DENND1A: variants seen among roughly 807,000 people sequenced by gnomAD.
The protein encoded by DENND1A is DENN domain-containing protein 1A.
DENND1A carries 51 observed loss-of-function variants against 113.7 expected under a neutral mutation model. The observed-to-expected ratio is 0.45, with a 90% CI of 0.36 to 0.57. DENND1A has a LOEUF of 0.57. DENND1A is among the 20% of genes least tolerant of loss of function. The pLI is 0.00. For missense variants in DENND1A, 1,258 were observed against 1,395.9 expected, an observed-to-expected ratio of 0.90 and a Z score of 1.57; for synonymous variants, 565 against 570.8, an observed-to-expected ratio of 0.99 and a Z score of 0.14.
rs573192143 is a variant in DENND1A, at chr9:123,508,314, T to A, written c.993+49256A>T. 3.9e-5 allele frequency among the ~76,000 whole-genome samples: 6 copies of A among 152,374 alleles called. No homozygotes were observed. In the South Asian group the frequency reaches 1.2e-3, roughly 32 times the overall value. On this transcript the variant is annotated intron_variant, in intron 13 of 23. Coordinates refer to ENST00000394215, the MANE Select transcript of DENND1A (RefSeq NM_001352964.2). ...TCCACTGTGTCTTTGCCATTTGCAT[T>A]CATACATGCTTACAGAAAATACAGC...
chr9:123,930,047 G>T lies in DENND1A; in HGVS notation c.-142C>A. The T allele has an allele frequency of 4.7e-6, 1 of 212,810 alleles. No homozygotes were observed. Among genetic ancestry groups the T allele is most frequent in the Non-Finnish European group, 9.2e-6 (1 of 109,132 alleles). 13.2% of individuals were successfully genotyped at this position (212,810 alleles called of 1,614,324 possible). A position where few individuals can be genotyped will look rare whatever the true frequency, so the allele number is the denominator to read the frequency against. Reference sequence around the variant, plus strand: ...GCTGGGGCCCGCCCGCTCGAGGCTCGCTCCCTCGCCGCCGCCGCCGCCTCC... The same window carrying T: ...GCTGGGGCCCGCCCGCTCGAGGCTCTCTCCCTCGCCGCCGCCGCCGCCTCC... On this transcript the variant is annotated 5_prime_UTR_variant, in exon 1 of 24. Transcript: ENST00000394215.
intron 2 of DENND1A, among the ~76,000 whole-genome samples, chr9:123,842,815 A>T (rs182013002): frequency 6.6e-6 from 1 of 152,290 alleles, no homozygotes; most frequent in Non-Finnish European, 1.5e-5. Flanking sequence ...AAATATAAGA[A>T]AACTAAAAAT....
At chr9:123,490,037 A>G (rs1209756395) in intron 13 of DENND1A, among the ~76,000 whole-genome samples, 1 of 152,232 alleles carries the variant, frequency 6.6e-6, no homozygotes, top group Non-Finnish European at 1.5e-5. Context: ...TAACAAGTTG[A>G]GGTGTATTTG....
chr9:123,905,335 G>A (rs534588425), intron 1 of DENND1A, among the ~76,000 whole-genome samples: 2,783 of 149,752 alleles, frequency 0.019, 94 homozygotes, highest in African/African-American at 0.067. Flanking sequence ...CATAATGACA[G>A]GATCAAATTC....
intron 2 of DENND1A, among the ~76,000 whole-genome samples, chr9:123,824,440 T>A (rs1257441435): frequency 1.3e-5 from 2 of 152,196 alleles, no homozygotes; most frequent in African/African-American, 4.8e-5. Context: ...CTGAATGCGA[T>A]GTGAAGAAAT....
At chr9:123,412,664 C>T (rs563157031) in intron 19 of DENND1A, among the ~76,000 whole-genome samples, 23 of 152,312 alleles carry the variant, frequency 1.5e-4, no homozygotes, top group Non-Finnish European at 3.2e-4. Context: ...TTATCTTGAA[C>T]GCCCAGCAGT....
chr9:123,526,548 G>T (rs2054864358), intron 13 of DENND1A, among the ~76,000 whole-genome samples: 2 of 152,154 alleles, frequency 1.3e-5, no homozygotes, highest in African/African-American at 4.8e-5. Flanking sequence ...TGCCCCGAGG[G>T]CTTGTCTGGA....
At chr9:123,627,090 G>T (rs987796980) in intron 10 of DENND1A, among the ~76,000 whole-genome samples, 7 of 152,324 alleles carry the variant, frequency 4.6e-5, no homozygotes, top group Admixed American at 4.6e-4. Context: ...ATGGTGGGGA[G>T]AGTGAGGGCT....
chr9:123,615,149 A>G (rs2137947705), intron 10 of DENND1A, among the ~76,000 whole-genome samples: 1 of 152,354 alleles, frequency 6.6e-6, no homozygotes, highest in African/African-American at 2.4e-5. Context: ...AGCCAGTAAG[A>G]GCAGCCACCA....
intron 20 of DENND1A, among the ~76,000 whole-genome samples, chr9:123,408,761 T>C (rs976151980): frequency 6.6e-6 from 1 of 152,160 alleles, no homozygotes; most frequent in African/African-American, 2.4e-5. Context: ...TCCCGAGTCC[T>C]CAGTTGCCAA....
chr9:123,698,693 C>T (rs2065680920), intron 5 of DENND1A, among the ~76,000 whole-genome samples: 1 of 152,230 alleles, frequency 6.6e-6, no homozygotes, highest in South Asian at 2.1e-4. Flanking sequence ...AGAAGATATG[C>T]ATTCCTATAG....
chr9:123,566,814 A>G (rs1376330065), intron 12 of DENND1A, among the ~76,000 whole-genome samples: 1 of 152,028 alleles, frequency 6.6e-6, no homozygotes, highest in African/African-American at 2.4e-5. Flanking sequence ...GTGTTTTTCT[A>G]TTTGTAAACC....
intron 5 of DENND1A, among the ~76,000 whole-genome samples, chr9:123,734,765 T>C (rs2068438010): frequency 6.6e-6 from 1 of 152,192 alleles, no homozygotes; most frequent in South Asian, 2.1e-4. Flanking sequence ...AGACATATGA[T>C]GGGTGTGTAT....
intron 2 of DENND1A, among the ~76,000 whole-genome samples, chr9:123,814,825 C>T (rs1056324186): frequency 6.6e-6 from 1 of 152,098 alleles, no homozygotes; most frequent in Non-Finnish European, 1.5e-5. Context: ...GTCCAAGTGA[C>T]GCTACCTAAA....
At chr9:123,387,332 T>G (rs1289002461) in intron 22 of DENND1A, among the ~76,000 whole-genome samples, 1 of 152,088 alleles carries the variant, frequency 6.6e-6, no homozygotes, top group Non-Finnish European at 1.5e-5. Context: ...ATGAGGAACG[T>G]TTTCTTTTTT....
At chr9:123,711,939 T>C (rs577726670) in intron 5 of DENND1A, among the ~76,000 whole-genome samples, 2 of 152,350 alleles carry the variant, frequency 1.3e-5, no homozygotes, top group East Asian at 1.9e-4. Context: ...CTCAGTTCTA[T>C]GGTCCATCAT....
intron 9 of DENND1A, among the ~76,000 whole-genome samples, chr9:123,636,321 C>CT (rs201586032): frequency 0.012 from 1,821 of 145,846 alleles, 30 homozygotes; most frequent in African/African-American, 0.037. Context: ...TCTGATTCCT[C>CT]TTTTTTTTTT....
chr9:123,531,463 G>C (rs745583825), intron 13 of DENND1A, among the ~76,000 whole-genome samples: 4 of 151,146 alleles, frequency 2.6e-5, no homozygotes, highest in Non-Finnish European at 4.4e-5. Flanking sequence ...AAGAATAATA[G>C]AAAGAATTAC....
In DENND1A at chr9:123,671,633, T is replaced by C. The variant is rs1284037726; in HGVS notation, c.373-262A>G. ...CCATGACCGCCTTTTATGGATCATA[T>C]ACCATAAGCTCTCAGCAAATCTATC... On this transcript the variant is annotated intron_variant, in intron 6 of 23. Transcript: ENST00000394215. Among the ~76,000 whole-genome samples, 7 of 152,284 alleles carry C rather than the reference T, an allele frequency of 4.6e-5. 1 individual carries two copies. The South Asian group carries it at 1.5e-3, about 32-fold the overall frequency.
Sources: allele counts gnomAD v4.1 joint callset (sites outside exome capture counted in the v4.1 genomes callset), GRCh38; gene constraint gnomAD v4.1.1; transcripts MANE v1.5; gene names NCBI Gene and HGNC (gene_info 2026-07-23, HGNC 2026-07-21).